Variants in BCAS3 observed in about 807,000 individuals in gnomAD.
BCAS3 encodes the protein BCAS3 microtubule associated cell migration factor.
BCAS3 carries 53 observed loss-of-function variants against 116.1 expected under a neutral mutation model. The observed-to-expected ratio is 0.46, with a 90% CI of 0.37 to 0.57. The LOEUF is 0.57. Among genes scored for constraint, BCAS3 ranks in the 20% least tolerant of loss-of-function variants. The pLI is 0.00. For missense variants in BCAS3, 917 were observed against 1,165.4 expected, an observed-to-expected ratio of 0.79 and a Z score of 3.10; for synonymous variants, 391 against 408.2, an observed-to-expected ratio of 0.96 and a Z score of 0.51.
intron 22 of BCAS3, among the ~76,000 whole-genome samples, chr17:61,311,168 A>G (rs565711651): frequency 2.8e-4 from 43 of 152,314 alleles, no homozygotes; most frequent in Admixed American, 2.4e-3. Context: ...AATTATTACT[A>G]TTTTCACATA....
chr17:60,870,070 A>G lies in BCAS3; in HGVS notation c.584+1387A>G, dbSNP rs186807600. Reference sequence around the variant, plus strand: ...AATATGGTTGCTCAGTTGCTTAGGTACTTTATTTAAAGGTTTCAGGTCCCC... The same window carrying G: ...AATATGGTTGCTCAGTTGCTTAGGTGCTTTATTTAAAGGTTTCAGGTCCCC... On this transcript the variant is annotated intron_variant, in intron 8 of 23. Transcript: ENST00000407086. 1.8e-4 allele frequency among the ~76,000 whole-genome samples: 28 copies of G among 152,318 alleles called. No homozygotes were observed. The East Asian group carries it at 5.2e-3, about 28-fold the overall frequency.
Position 61,388,617 on chromosome 17 carries a change from G to GGGAAAAAAAAA in BCAS3, c.2594-3348_2594-3338dup. On this transcript the variant is annotated intron_variant, in intron 23 of 23. Coordinates refer to ENST00000407086, the MANE Select transcript of BCAS3 (RefSeq NM_017679.5). This position sits in a 1 kb window ranked among gnomAD's most constrained non-coding sequence, Gnocchi z 6.5. Reference sequence around the variant, plus strand: ...TTCCTCAATGCTTTTCTTTTCAAAAGGGAAAAAAAAAGGAAAAAAAAAACA... The same window carrying GGGAAAAAAAAA: ...TTCCTCAATGCTTTTCTTTTCAAAAGGGAAAAAAAAAGGAAAAAAAAAGGAAAAAAAAAACA... 6.5e-7 allele frequency: 1 copy of GGGAAAAAAAAA among 1,532,116 alleles called. No homozygotes were observed. The highest frequency in any genetic ancestry group is 8.7e-7 in the Non-Finnish European group (1 of 1,146,510). The allele number at this position is 1,532,116 out of a possible 1,614,324, so 94.9% of individuals were successfully genotyped here.
chr17:60,984,123 G>T (rs1439280667), intron 14 of BCAS3, among the ~76,000 whole-genome samples: 1 of 152,208 alleles, frequency 6.6e-6, no homozygotes, highest in African/African-American at 2.4e-5. Flanking sequence ...TATCATTAAT[G>T]TGTCATTTGG....
At chr17:61,375,255 T>TGTGTGTGC (rs71150612) in intron 23 of BCAS3, among the ~76,000 whole-genome samples, 1 of 134,774 alleles carries the variant, frequency 7.4e-6, no homozygotes, top group South Asian at 2.1e-4. Context: ...TGTGTGTGTG[T>TGTGTGTGC]ACTAATAAAG....
At chr17:61,274,231 T>C (rs897042959) in intron 22 of BCAS3, among the ~76,000 whole-genome samples, 2 of 151,650 alleles carry the variant, frequency 1.3e-5, no homozygotes, top group Non-Finnish European at 2.9e-5. Flanking sequence ...GTCCTTGTGA[T>C]AGTTTGCTGA....
At chr17:60,718,951 A>G (rs1366822411) in intron 5 of BCAS3, among the ~76,000 whole-genome samples, 7 of 152,090 alleles carry the variant, frequency 4.6e-5, no homozygotes, top group African/African-American at 1.7e-4. Context: ...AGTCCCAGCT[A>G]CTTGGGAGGC....
intron 22 of BCAS3, among the ~76,000 whole-genome samples, chr17:61,166,391 C>CTTTTTT (rs748083151): frequency 3.0e-5 from 1 of 33,724 alleles, no homozygotes; most frequent in African/African-American, 8.4e-5. Flanking sequence ...CTCTCTCTCT[C>CTTTTTT]TTTTTTTTTT....
intron 16 of BCAS3, among the ~76,000 whole-genome samples, chr17:61,030,524 C>A (rs2066557471): frequency 6.6e-6 from 1 of 151,924 alleles, no homozygotes; most frequent in African/African-American, 2.4e-5. Flanking sequence ...TTTTTGAAGT[C>A]CTAGTAATGT....
chr17:61,010,380 T>A (rs2065028533), intron 15 of BCAS3, among the ~76,000 whole-genome samples: 1 of 151,978 alleles, frequency 6.6e-6, no homozygotes, highest in Non-Finnish European at 1.5e-5. Flanking sequence ...AACTATGTGT[T>A]AGTATGGAGA....
rs967936181 is a variant in BCAS3 at position 61,364,445 on chromosome 17, G to A, written c.2426-3882G>A. Among the ~76,000 whole-genome samples, 1 of 152,240 alleles carries A rather than the reference G, an allele frequency of 6.6e-6. No homozygotes were observed. Among genetic ancestry groups the A allele is most frequent in the Non-Finnish European group, 1.5e-5 (1 of 68,030 alleles). On this transcript the variant is annotated intron_variant, in intron 22 of 23. Coordinates refer to ENST00000407086, the MANE Select transcript of BCAS3 (RefSeq NM_017679.5). This position sits in a 1 kb window ranked among gnomAD's most constrained non-coding sequence, Gnocchi z 5.4. ...ATATTGTGGTTCTTGGCCAGGCGCAGTGGCTCATGCCTGTAATTCCAGCAC... is the reference window on the plus strand; with the variant it reads ...ATATTGTGGTTCTTGGCCAGGCGCAATGGCTCATGCCTGTAATTCCAGCAC...
chr17:61,347,377 CGGCCAGA>C lies in BCAS3; in HGVS notation c.2426-20949_2426-20943del, dbSNP rs2057566502. 6.6e-6 allele frequency among the ~76,000 whole-genome samples: 1 copy of C among 152,214 alleles called. No individual in the cohort carries two copies. Among genetic ancestry groups the C allele is most frequent in the Non-Finnish European group, 1.5e-5 (1 of 68,046 alleles). On this transcript the variant is annotated intron_variant, in intron 22 of 23. Coordinates refer to ENST00000407086, the MANE Select transcript of BCAS3 (RefSeq NM_017679.5). This position sits in a 1 kb window ranked among gnomAD's most constrained non-coding sequence, Gnocchi z 4.3. ...GATTATAGGCATGAGCCACCGCACC[CGGCCAGA>C]ATCACTCTTCAGATATTTGAATAGT...
chr17:61,090,005 C>T (rs907269738), intron 22 of BCAS3, among the ~76,000 whole-genome samples: 4 of 152,114 alleles, frequency 2.6e-5, no homozygotes, highest in Non-Finnish European at 4.4e-5. Context: ...GGCCACATAG[C>T]TCCATGGTCT....
At chr17:60,792,101 C>T (rs949638656) in intron 6 of BCAS3, among the ~76,000 whole-genome samples, 4 of 152,128 alleles carry the variant, frequency 2.6e-5, no homozygotes, top group Non-Finnish European at 4.4e-5. Context: ...CCATCTTGGG[C>T]GACGGAGCTA....
chr17:61,238,443 GA>G (rs2083238058), intron 22 of BCAS3, among the ~76,000 whole-genome samples: 1 of 151,690 alleles, frequency 6.6e-6, no homozygotes, highest in African/African-American at 2.4e-5. Context: ...GGCTGGTCTC[GA>G]ACTCCTGACC....
rs2068067426 is a variant in BCAS3, at chr17:61,045,888, ATATAT to A, written c.2029+4997_2029+5001del. On this transcript the variant is annotated intron_variant, in intron 19 of 23. Transcript: ENST00000407086. ...ATAAATATATATAAATATATATTAT[ATATAT>A]AATATATATAAATATATATTTATAT... Among the ~76,000 whole-genome samples the A allele has an allele frequency of 2.3e-4, 9 of 38,530 alleles. No individual in the cohort carries two copies. The African/African-American group carries it at 3.0e-3, about 13-fold the overall frequency. The allele number at this position is 38,530 out of a possible 152,430, so 25.3% of individuals were successfully genotyped here.
chr17:60,847,686 G>T (rs1818796144), intron 7 of BCAS3, among the ~76,000 whole-genome samples: 1 of 151,200 alleles, frequency 6.6e-6, no homozygotes, highest in Admixed American at 6.6e-5. Flanking sequence ...TTTTCTCATT[G>T]GAATGTTTGG....
At chr17:61,093,065 C>T (rs141796081) in intron 22 of BCAS3, among the ~76,000 whole-genome samples, 6,251 of 151,760 alleles carry the variant, frequency 0.041, 459 homozygotes, top group African/African-American at 0.14. Flanking sequence ...CACTACCACG[C>T]CCAGCTAATT....
chr17:60,772,042 A>T (rs1266510909), intron 6 of BCAS3, among the ~76,000 whole-genome samples: 3 of 152,206 alleles, frequency 2.0e-5, no homozygotes, highest in African/African-American at 7.2e-5. Flanking sequence ...TTATAGCAGC[A>T]TGATTTATAA....
intron 7 of BCAS3, among the ~76,000 whole-genome samples, chr17:60,818,425 A>G (rs1377382964): frequency 6.6e-6 from 1 of 152,156 alleles, no homozygotes; most frequent in East Asian, 1.9e-4. Flanking sequence ...CGTTTGTCTA[A>G]TGTAAATAAG....
Sources: allele counts gnomAD v4.1 joint callset (sites outside exome capture counted in the v4.1 genomes callset), GRCh38; gene constraint gnomAD v4.1.1; non-coding constraint Gnocchi (gnomAD v3.1); transcripts MANE v1.5; gene names NCBI Gene and HGNC (gene_info 2026-07-23, HGNC 2026-07-21).